Variants in ADGRD1 observed in about 807,000 individuals in gnomAD.
The protein encoded by ADGRD1 is G-protein coupled receptor 133.
Under a neutral mutation model 113.4 loss-of-function variants are expected in ADGRD1, and 77 were observed. That is an observed-to-expected ratio of 0.68 (90% CI 0.57 to 0.82). The LOEUF (loss-of-function observed/expected upper bound fraction) is 0.82. ADGRD1 is among the 40% of genes least tolerant of loss of function. The pLI is 0.00. For synonymous variants in ADGRD1, 474 were observed against 475.0 expected, an observed-to-expected ratio of 1.00 and a Z score of 0.03; for missense variants, 1,036 against 1,139.1, an observed-to-expected ratio of 0.91 and a Z score of 1.30.
At chr12:130,991,660 A>G (rs1874403203) in intron 7 of ADGRD1, among the ~76,000 whole-genome samples, 1 of 152,218 alleles carries the variant, frequency 6.6e-6, no homozygotes, top group South Asian at 2.1e-4. Context: ...AAATATTCAC[A>G]AAAGTGTCAG....
intron 2 of ADGRD1, among the ~76,000 whole-genome samples, chr12:130,959,125 G>C (rs1271687503): frequency 6.6e-6 from 1 of 152,220 alleles, no homozygotes; most frequent in African/African-American, 2.4e-5. Context: ...CTCCAGTATA[G>C]AGCGAGAGCC....
rs751503156 is a variant in ADGRD1, at chr12:130,981,998, G to C, written c.425G>C (p.Arg142Thr). 1 of 1,614,044 alleles carries C rather than the reference G, an allele frequency of 6.2e-7. No homozygotes were observed. Among genetic ancestry groups the C allele is most frequent in the East Asian group, 2.2e-5 (1 of 44,876 alleles). Reference protein sequence around the residue: ...NGFKVCSSGGRGSVELYTRDN... With the variant: ...NGFKVCSSGGTGSVELYTRDN... ...TTCAAAGTCTGCTCCAGCGGTGGCAGAGGCTCTGTGGAGCTGTATACGCGG... is the reference window on the plus strand; with the variant it reads ...TTCAAAGTCTGCTCCAGCGGTGGCACAGGCTCTGTGGAGCTGTATACGCGG... Residue 142 changes from arginine to threonine, a missense_variant, in exon 5 of 25, where the codon AGA (arginine) becomes ACA (threonine). Arg to Thr is a moderately conservative substitution (Grantham distance 71). Transcript: ENST00000261654.
chr12:131,132,053 T>C (rs564519154), intron 21 of ADGRD1, among the ~76,000 whole-genome samples: 7 of 152,232 alleles, frequency 4.6e-5, no homozygotes, highest in African/African-American at 1.7e-4. Context: ...GAACGGAGTC[T>C]ACGGAGTTCT....
intron 4 of ADGRD1, among the ~76,000 whole-genome samples, chr12:130,975,044 AAC>A (rs1462304473): frequency 1.3e-5 from 2 of 152,108 alleles, no homozygotes; most frequent in African/African-American, 4.8e-5. Context: ...AAGCTTAGAA[AAC>A]ACAGTCTGTT....
intron 4 of ADGRD1, among the ~76,000 whole-genome samples, chr12:130,974,867 C>T (rs1471264368): frequency 1.3e-5 from 2 of 152,232 alleles, no homozygotes; most frequent in South Asian, 2.1e-4. Context: ...AGCCTCTCTG[C>T]TGCTTGTCTG....
chr12:130,983,089 G>A (rs7969971), intron 5 of ADGRD1, among the ~76,000 whole-genome samples: 119,043 of 152,174 alleles, frequency 0.78, 48,587 homozygotes, highest in East Asian at 0.94. Flanking sequence ...GCCTCTGGAC[G>A]TTGGTAGTTG....
chr12:131,052,448 G>A (rs895729294), intron 13 of ADGRD1, among the ~76,000 whole-genome samples: 3 of 152,350 alleles, frequency 2.0e-5, no homozygotes, highest in African/African-American at 7.2e-5. Flanking sequence ...TTCAGGGCAA[G>A]AGCTCTGTTC....
At chr12:131,002,889 G>A (rs1876572395) in intron 9 of ADGRD1, 1 of 1,094,756 alleles carries the variant, frequency 9.1e-7, no homozygotes. Flanking sequence ...GTTCAGGGAG[G>A]AGGCAGGACC....
At chr12:131,127,281 C>CGTA (rs774084539) in intron 20 of ADGRD1, among the ~76,000 whole-genome samples, 1 of 152,224 alleles carries the variant, frequency 6.6e-6, no homozygotes, top group Non-Finnish European at 1.5e-5. Flanking sequence ...ATTAATCACT[C>CGTA]GTAGTGTTTC....
intron 21 of ADGRD1, among the ~76,000 whole-genome samples, chr12:131,132,493 C>T (rs1351215089): frequency 1.3e-5 from 2 of 151,686 alleles, no homozygotes; most frequent in Non-Finnish European, 2.9e-5. Context: ...AGCTCAGAAG[C>T]CCTGGCGTTG....
chr12:131,093,127 A>G (rs4759843), intron 15 of ADGRD1, among the ~76,000 whole-genome samples: 39,274 of 151,802 alleles, frequency 0.26, 5,962 homozygotes, highest in South Asian at 0.44. Context: ...TTGGTGGGAA[A>G]GTGACATATG....
intron 13 of ADGRD1, among the ~76,000 whole-genome samples, chr12:131,067,180 C>A (rs138483847): frequency 2.3e-4 from 35 of 152,190 alleles, no homozygotes; most frequent in Non-Finnish European, 4.4e-4. Context: ...CAGTCCAGGG[C>A]TGGGAGTGAG....
chr12:131,137,245 T>G, intron 23 of ADGRD1: 1 of 591,120 alleles, frequency 1.7e-6, no homozygotes. Context: ...CCTGGAGAAT[T>G]GGCGACTGCA....
At chr12:131,101,542 C>T (rs982419068) in intron 15 of ADGRD1, among the ~76,000 whole-genome samples, 2 of 151,816 alleles carry the variant, frequency 1.3e-5, no homozygotes, top group African/African-American at 4.8e-5. Context: ...TGTGGGCCAT[C>T]ATGTCTGGCT....
chr12:130,986,571 C>T (rs1029017829), intron 5 of ADGRD1, among the ~76,000 whole-genome samples: 6 of 152,180 alleles, frequency 3.9e-5, no homozygotes, highest in Non-Finnish European at 1.5e-5. Flanking sequence ...TCTACATAGA[C>T]AATCACATCA....
chr12:131,123,825 CAAAAA>C (rs111915156), intron 20 of ADGRD1, among the ~76,000 whole-genome samples: 3 of 90,514 alleles, frequency 3.3e-5, no homozygotes, highest in East Asian at 3.1e-4. Context: ...GACTCCGTCT[CAAAAA>C]AAAAAAAAAA....
At chr12:130,968,887 G>T (rs1871301523) in intron 3 of ADGRD1, 1 of 735,042 alleles carries the variant, frequency 1.4e-6, no homozygotes, top group Non-Finnish European at 2.3e-6. Context: ...GCCCCTCCTG[G>T]TGCCTGCTGC....
chr12:131,086,811 C>A (rs1458177886), intron 15 of ADGRD1, among the ~76,000 whole-genome samples: 1 of 152,198 alleles, frequency 6.6e-6, no homozygotes, highest in Non-Finnish European at 1.5e-5. Flanking sequence ...AGAGAAGGCC[C>A]TTTCTTTTCA....
At chr12:131,021,730 C>T (rs1313146135) in intron 13 of ADGRD1, among the ~76,000 whole-genome samples, 3 of 152,062 alleles carry the variant, frequency 2.0e-5, no homozygotes, top group Non-Finnish European at 4.4e-5. Context: ...TTTTTTGAGA[C>T]AGAGTCTCTC....
Sources: gnomAD v4.1 joint callset for allele counts (sites outside exome capture counted in the v4.1 genomes callset) on GRCh38, gnomAD v4.1.1 for gene constraint, MANE v1.5 for transcripts, NCBI Gene and HGNC (gene_info 2026-07-23, HGNC 2026-07-21) for gene names.